CRACD: variants seen among roughly 807,000 people sequenced by gnomAD.
CRACD encodes the protein capping protein inhibiting regulator of actin dynamics.
CRACD carries 56 observed loss-of-function variants against 106.8 expected under a neutral mutation model. That is an observed-to-expected ratio of 0.52 (90% CI 0.42 to 0.66). The LOEUF (loss-of-function observed/expected upper bound fraction) is 0.66. Among genes scored for constraint, CRACD ranks in the 30% least tolerant of loss-of-function variants. CRACD has a pLI of 0.00. For synonymous variants in CRACD, 754 were observed against 670.8 expected (o/e 1.12, Z -1.92); for missense variants, 1,730 against 1,623.2 (o/e 1.07, Z -1.13).
chr4:56,079,196 A>G (rs2109806419), intron 1 of CRACD, among the ~76,000 whole-genome samples: 1 of 152,262 alleles, frequency 6.6e-6, no homozygotes, highest in South Asian at 2.1e-4. Flanking sequence ...GTTTTCCCAA[A>G]ACAACTTTAG....
intron 2 of CRACD, among the ~76,000 whole-genome samples, chr4:56,240,438 A>C (rs1391048604): frequency 6.6e-6 from 1 of 152,056 alleles, no homozygotes; most frequent in Non-Finnish European, 1.5e-5. Context: ...TGGCATTAGG[A>C]GGGCATCACA....
intron 2 of CRACD, among the ~76,000 whole-genome samples, chr4:56,232,015 TTATAA>T (rs1286099129): frequency 1.3e-5 from 2 of 152,180 alleles, no homozygotes; most frequent in Non-Finnish European, 2.9e-5. Flanking sequence ...TTTATTGCAG[TTATAA>T]TAAGTTCCAA....
chr4:56,210,407 C>A (rs1738341074), intron 2 of CRACD, among the ~76,000 whole-genome samples: 1 of 152,098 alleles, frequency 6.6e-6, no homozygotes, highest in Non-Finnish European at 1.5e-5. Context: ...GACACATAGA[C>A]AGAAGCAGAT....
chr4:56,301,405 G>T (rs545861268), intron 4 of CRACD, among the ~76,000 whole-genome samples: 1 of 152,138 alleles, frequency 6.6e-6, no homozygotes, highest in Non-Finnish European at 1.5e-5. Flanking sequence ...TGTGTCTGAG[G>T]CATGTATGTT....
chr4:56,213,026 G>A (rs1485732561), intron 2 of CRACD, among the ~76,000 whole-genome samples: 1 of 152,214 alleles, frequency 6.6e-6, no homozygotes, highest in Non-Finnish European at 1.5e-5. Flanking sequence ...CACAAAAGCA[G>A]TGGACACCAT....
chr4:56,174,087 C>T (rs942866204), intron 1 of CRACD, among the ~76,000 whole-genome samples: 3 of 152,196 alleles, frequency 2.0e-5, no homozygotes, highest in Non-Finnish European at 4.4e-5. Flanking sequence ...TTGTAGGAGT[C>T]ACACTAGAAT....
intron 2 of CRACD, among the ~76,000 whole-genome samples, chr4:56,189,130 C>G (rs990080673): frequency 6.6e-6 from 1 of 151,512 alleles, no homozygotes; most frequent in African/African-American, 2.4e-5. Context: ...TTGCAGTGAG[C>G]TAAGATAATG....
chr4:56,095,414 GA>G (rs1733566887), intron 1 of CRACD, among the ~76,000 whole-genome samples: 1 of 152,198 alleles, frequency 6.6e-6, no homozygotes, highest in South Asian at 2.1e-4. Context: ...CAAAGTGGGG[GA>G]AAGGGAGTAG....
chr4:56,221,668 AAAAAT>A (rs1430873602), intron 2 of CRACD, among the ~76,000 whole-genome samples: 1 of 152,136 alleles, frequency 6.6e-6, no homozygotes, highest in African/African-American at 2.4e-5. Context: ...AAAAAAATTA[AAAAAT>A]AAAATAAAAA....
intron 1 of CRACD, among the ~76,000 whole-genome samples, chr4:56,090,641 C>T (rs1000471313): frequency 2.6e-5 from 4 of 152,088 alleles, no homozygotes; most frequent in Admixed American, 6.6e-5. Context: ...GTGATCTGCC[C>T]GCCTTGGTCT....
In CRACD at chr4:56,316,368, C is replaced by G. The variant is rs758298598; in HGVS notation, c.2866C>G (p.Pro956Ala). The change falls in exon 8 of 11, where the codon CCA becomes GCA. Residue 956 changes from proline (P) to alanine (A), a missense_variant. Around this residue, in one of 5 missense-constraint regions of CRACD, gnomAD observed 1,620 missense variants for 1,481.6 expected, o/e 1.09. Coordinates refer to ENST00000682029, the MANE Select transcript of CRACD (RefSeq NM_001393381.1). ...GCACGACAAGGCAGCAAACAAAATG[C>G]CACTGGCACAAAAGCCAGCACTGGC... Reference protein sequence around the residue: ...PEHDKAANKMPLAQKPALAPK... With the variant: ...PEHDKAANKMALAQKPALAPK... 1 of 1,614,138 alleles carries G rather than the reference C, an allele frequency of 6.2e-7. No homozygotes were observed. The highest frequency in any genetic ancestry group is 8.5e-7 in the Non-Finnish European group (1 of 1,179,956).
chr4:56,182,444 A>AAAAC (rs200312933), intron 2 of CRACD, among the ~76,000 whole-genome samples: 1 of 151,650 alleles, frequency 6.6e-6, no homozygotes, highest in African/African-American at 2.4e-5. Flanking sequence ...AAAAAAAAAA[A>AAAAC]ACCAGCCAGG....
At chr4:56,177,057 T>C (rs1412675130) in intron 1 of CRACD, among the ~76,000 whole-genome samples, 1 of 152,194 alleles carries the variant, frequency 6.6e-6, no homozygotes, top group Non-Finnish European at 1.5e-5. Flanking sequence ...TATTTCCTTT[T>C]CTTGTCTAAT....
chr4:56,286,674 T>C (rs1743377405), intron 3 of CRACD, among the ~76,000 whole-genome samples: 1 of 152,008 alleles, frequency 6.6e-6, no homozygotes, highest in Non-Finnish European at 1.5e-5. Context: ...TATACACTCA[T>C]TGATTTTTCG....
intron 1 of CRACD, among the ~76,000 whole-genome samples, chr4:56,067,186 A>C (rs1261298562): frequency 1.3e-5 from 2 of 152,096 alleles, no homozygotes; most frequent in Admixed American, 1.3e-4. Flanking sequence ...ATGGGAATCC[A>C]GAAGAGAAAA....
chr4:56,238,961 C>G (rs913591683), intron 2 of CRACD, among the ~76,000 whole-genome samples: 1 of 152,100 alleles, frequency 6.6e-6, no homozygotes, highest in Non-Finnish European at 1.5e-5. Context: ...CACCAAAAGC[C>G]CCAAGTTCAG....
chr4:56,227,146 G>T (rs571363717), intron 2 of CRACD, among the ~76,000 whole-genome samples: 1 of 152,162 alleles, frequency 6.6e-6, no homozygotes, highest in Non-Finnish European at 1.5e-5. Flanking sequence ...AGTAAAAGTG[G>T]TCAACATAAT....
At chr4:56,102,230 T>A (rs756870079) in intron 1 of CRACD, among the ~76,000 whole-genome samples, 1 of 152,164 alleles carries the variant, frequency 6.6e-6, no homozygotes, top group African/African-American at 2.4e-5. Flanking sequence ...TTCTGTATCC[T>A]TGCCAGCAAT....
rs549120782 is a variant in CRACD, at chr4:56,315,467, C to A, written c.1965C>A (p.Arg655=). 1.7e-5 allele frequency: 27 copies of A among 1,613,038 alleles called. No homozygotes were observed. The highest frequency in any genetic ancestry group is 1.5e-4 in the African/African-American group (11 of 75,022). Residue 655 remains arginine, a synonymous_variant, in exon 8 of 11, where the codon CGC becomes CGA. Transcript: ENST00000682029. This position sits in a 1 kb window ranked among gnomAD's most constrained non-coding sequence, Gnocchi z 4.1. ...CGGGCAGCGGGAAGGCTAAGCCCCG[C>A]CAGGAGTCTCCCAGCAGCGCGTCCG... The part of the protein sequence containing the change: ...ARAGSGKAKP[R]QESPSSASAL...
Sources: gnomAD v4.1 joint callset for allele counts (sites outside exome capture counted in the v4.1 genomes callset) on GRCh38, gnomAD v4.1.1 for gene constraint, gnomAD v4.1.1 regional missense constraint, Gnocchi (gnomAD v3.1) non-coding constraint, MANE v1.5 for transcripts, NCBI Gene and HGNC (gene_info 2026-07-23, HGNC 2026-07-21) for gene names.